The following GALNT13 variants were observed in gnomAD, a reference collection of about 807,000 sequenced individuals.
GALNT13 encodes the protein polypeptide N-acetylgalactosaminyltransferase 13.
GALNT13 carries 28 observed loss-of-function variants against 64.2 expected under a neutral mutation model. That is an observed-to-expected ratio of 0.44 (90% confidence interval 0.32 to 0.60). GALNT13 has a LOEUF of 0.60. GALNT13 is among the 20% of genes least tolerant of loss of function. The probability of loss-of-function intolerance (pLI) is 0.05; values close to 1 mark genes in which losing one functional copy is unlikely to be tolerated. For synonymous variants in GALNT13, 214 were observed against 224.6 expected (o/e 0.95, Z 0.42); for missense variants, 577 against 669.8 (o/e 0.86, Z 1.53).
At chr2:153,877,584 TATG>T (rs1006622959) in intron 1 of GALNT13, among the ~76,000 whole-genome samples, 1 of 152,264 alleles carries the variant, frequency 6.6e-6, no homozygotes, top group African/African-American at 2.4e-5. Context: ...GATTTTGACA[TATG>T]AGGAGGATTA....
At chr2:153,425,406 G>A in the GALNT13 span, among the ~76,000 whole-genome samples, 108,288 of 151,594 alleles carry the variant, frequency 0.71, 39,559 homozygotes, top group Non-Finnish European at 0.79. Context: ...AACTACATAT[G>A]AAAACCAAAT....
chr2:153,203,177 G>C, the GALNT13 span, among the ~76,000 whole-genome samples: 1 of 152,158 alleles, frequency 6.6e-6, no homozygotes, highest in Non-Finnish European at 1.5e-5. Flanking sequence ...GATTATTGTA[G>C]ATGGCACATT....
chr2:153,141,108 A>AGCCTTGACTCCAAGT, the GALNT13 span, among the ~76,000 whole-genome samples: 8 of 147,676 alleles, frequency 5.4e-5, no homozygotes, highest in Non-Finnish European at 1.1e-4. Context: ...CATATGTAAA[A>AGCCTTGACTCCAAGT]TCAGGAAATA....
chr2:154,340,453 A>T (rs746326464), intron 9 of GALNT13, among the ~76,000 whole-genome samples: 8 of 152,092 alleles, frequency 5.3e-5, no homozygotes, highest in Non-Finnish European at 1.0e-4. Context: ...TTTGGCTCTT[A>T]ATGTCACTTC....
chr2:154,446,584 A>G (rs907481376), intron 12 of GALNT13: 1 of 1,544,166 alleles, frequency 6.5e-7, no homozygotes, highest in African/African-American at 1.4e-5. Context: ...ACTCTTCTTC[A>G]TATAATCACC....
At chr2:153,677,354 G>A in the GALNT13 span, among the ~76,000 whole-genome samples, 2 of 150,744 alleles carry the variant, frequency 1.3e-5, no homozygotes, top group East Asian at 2.0e-4. Flanking sequence ...AACCAAGGAG[G>A]CGAAAGATAT....
the GALNT13 span, among the ~76,000 whole-genome samples, chr2:153,222,311 G>C: frequency 1.1e-4 from 14 of 132,732 alleles, no homozygotes; most frequent in African/African-American, 2.4e-4. Context: ...TCTGGCTGGG[G>C]GGGGGGGGGG....
At chr2:153,177,113 C>A in the GALNT13 span, among the ~76,000 whole-genome samples, 1 of 147,206 alleles carries the variant, frequency 6.8e-6, no homozygotes, top group African/African-American at 2.5e-5. Context: ...TTGATTAATA[C>A]AATAAAATTA....
intron 3 of GALNT13, among the ~76,000 whole-genome samples, chr2:154,057,559 A>G (rs1371906260): frequency 3.9e-5 from 6 of 152,204 alleles, no homozygotes; most frequent in Non-Finnish European, 7.3e-5. Flanking sequence ...ATAGAGACAC[A>G]TTAACAGATA....
At chr2:153,068,456 T>C in the GALNT13 span, among the ~76,000 whole-genome samples, 1 of 152,174 alleles carries the variant, frequency 6.6e-6, no homozygotes, top group Non-Finnish European at 1.5e-5. Context: ...CTATGTCTTT[T>C]TGGGTTTTTA....
At chr2:153,085,180 G>A in the GALNT13 span, among the ~76,000 whole-genome samples, 4 of 152,120 alleles carry the variant, frequency 2.6e-5, no homozygotes, top group African/African-American at 7.2e-5. Context: ...GAGGAAGAAC[G>A]TTCTAAGTGG....
the GALNT13 span, among the ~76,000 whole-genome samples, chr2:153,542,378 A>G: frequency 1.3e-5 from 2 of 151,984 alleles, no homozygotes; most frequent in Non-Finnish European, 2.9e-5. Context: ...AACCGGAAGT[A>G]GAAGCACATT....
the GALNT13 span, among the ~76,000 whole-genome samples, chr2:153,459,212 C>T: frequency 6.6e-6 from 1 of 151,986 alleles, no homozygotes; most frequent in African/African-American, 2.4e-5. Flanking sequence ...GGGAACATAA[C>T]ATAACAGACA....
At chr2:153,489,829 A>G in the GALNT13 span, among the ~76,000 whole-genome samples, 1 of 152,206 alleles carries the variant, frequency 6.6e-6, no homozygotes, top group African/African-American at 2.4e-5. Context: ...GTTGCAAAGT[A>G]AAATTTCTTA....
the GALNT13 span, among the ~76,000 whole-genome samples, chr2:153,110,420 A>G: frequency 6.6e-6 from 1 of 152,170 alleles, no homozygotes; most frequent in African/African-American, 2.4e-5. Flanking sequence ...TCTTTGGTAA[A>G]GGATTCTTTT....
chr2:153,501,322 G>T, the GALNT13 span, among the ~76,000 whole-genome samples: 2,187 of 151,456 alleles, frequency 0.014, 47 homozygotes, highest in African/African-American at 0.042. Flanking sequence ...TTGCTTTTTG[G>T]TTTTTTTTGT....
the GALNT13 span, among the ~76,000 whole-genome samples, chr2:153,567,714 G>A: frequency 6.6e-6 from 1 of 152,200 alleles, no homozygotes; most frequent in Non-Finnish European, 1.5e-5. Flanking sequence ...CGAGAACTGG[G>A]TGGTTAGGCA....
At chr2:154,100,094 A>T (rs2105461065) in intron 3 of GALNT13, among the ~76,000 whole-genome samples, 1 of 152,182 alleles carries the variant, frequency 6.6e-6, no homozygotes, top group South Asian at 2.1e-4. Context: ...AATACCATGC[A>T]GTTTTGGTAA....
the GALNT13 span, among the ~76,000 whole-genome samples, chr2:153,288,723 A>T: frequency 3.9e-5 from 6 of 152,306 alleles, no homozygotes; most frequent in East Asian, 1.2e-3. Flanking sequence ...ATTGTTGTTC[A>T]TCCTACTCTG....
Sources: allele counts gnomAD v4.1 joint callset (sites outside exome capture counted in the v4.1 genomes callset), GRCh38; gene constraint gnomAD v4.1.1; transcripts MANE v1.5; gene names NCBI Gene and HGNC (gene_info 2026-07-23, HGNC 2026-07-21).